NRXN3: variants seen among roughly 807,000 people sequenced by gnomAD.
NRXN3 encodes neurexin III.
NRXN3 carries 32 observed loss-of-function variants against 137.6 expected under a neutral mutation model. The observed-to-expected ratio is 0.23, with a 90% CI of 0.18 to 0.31. The LOEUF is 0.31. Ranked by LOEUF, NRXN3 falls within the 10% of genes least tolerant of loss-of-function variation. The pLI is 1.00. For missense variants in NRXN3, 1,574 were observed against 2,062.5 expected, an observed-to-expected ratio of 0.76 and a Z score of 4.59; for synonymous variants, 798 against 784.5, an observed-to-expected ratio of 1.02 and a Z score of -0.29.
intron 16 of NRXN3, among the ~76,000 whole-genome samples, chr14:79,620,049 C>T (rs2153897072): frequency 6.6e-6 from 1 of 152,164 alleles, no homozygotes; most frequent in East Asian, 1.9e-4. Flanking sequence ...CTGGAGTTGG[C>T]TCCAGAAGTC....
At chr14:79,201,708 G>A (rs2066035133) in intron 15 of NRXN3, 1 of 152,194 alleles carries the variant, frequency 6.6e-6, no homozygotes, top group African/African-American at 2.4e-5. Flanking sequence ...GGGAAGTTAA[G>A]TAAGCACAAA....
chr14:78,402,348 A>G (rs2092144847), intron 4 of NRXN3, among the ~76,000 whole-genome samples: 1 of 152,228 alleles, frequency 6.6e-6, no homozygotes, highest in African/African-American at 2.4e-5. Flanking sequence ...GAAAACAAAG[A>G]TTTACTAAGT....
intron 4 of NRXN3, among the ~76,000 whole-genome samples, chr14:78,521,575 A>G (rs139671546): frequency 2.5e-4 from 38 of 152,112 alleles, no homozygotes; most frequent in African/African-American, 8.7e-4. Flanking sequence ...TATTTTATAG[A>G]CTCTTGTATT....
intron 1 of NRXN3, among the ~76,000 whole-genome samples, chr14:78,217,772 CT>C (rs1431041916): frequency 1.3e-5 from 2 of 152,218 alleles, no homozygotes; most frequent in African/African-American, 4.8e-5. Context: ...AGCGATTCTT[CT>C]GCCTCAGCCT....
At chr14:79,233,558 A>C (rs1056548330) in intron 15 of NRXN3, among the ~76,000 whole-genome samples, 4 of 152,144 alleles carry the variant, frequency 2.6e-5, no homozygotes, top group African/African-American at 9.6e-5. Context: ...GTTAATTCAG[A>C]TGCCATTTAG....
intron 6 of NRXN3, among the ~76,000 whole-genome samples, chr14:78,669,000 A>G (rs998483718): frequency 6.6e-6 from 1 of 152,076 alleles, no homozygotes; most frequent in African/African-American, 2.4e-5. Flanking sequence ...CTGTCTACCT[A>G]GATAGATAGA....
At chr14:78,255,563 A>C (rs566660795) in intron 2 of NRXN3, among the ~76,000 whole-genome samples, 3 of 152,112 alleles carry the variant, frequency 2.0e-5, no homozygotes, top group Non-Finnish European at 2.9e-5. Flanking sequence ...TGGCTTTTCT[A>C]TCCTTAATGC....
intron 8 of NRXN3, among the ~76,000 whole-genome samples, chr14:78,725,924 T>G (rs2098481111): frequency 6.6e-6 from 1 of 152,228 alleles, no homozygotes; most frequent in Non-Finnish European, 1.5e-5. Flanking sequence ...GCTATTTTCA[T>G]TCTTAATTTA....
At chr14:78,637,967 G>A (rs1054124326) in intron 4 of NRXN3, among the ~76,000 whole-genome samples, 2 of 152,194 alleles carry the variant, frequency 1.3e-5, no homozygotes, top group Non-Finnish European at 2.9e-5. Context: ...TTGTAATGCA[G>A]TTGACAGCAA....
chr14:78,872,404 A>G (rs1203816297), intron 10 of NRXN3, among the ~76,000 whole-genome samples: 1 of 151,038 alleles, frequency 6.6e-6, no homozygotes, highest in Non-Finnish European at 1.5e-5. Context: ...CTTTTATCAT[A>G]TTAATGATGA....
At chr14:78,949,522 G>T (rs1340424380) in intron 10 of NRXN3, among the ~76,000 whole-genome samples, 1 of 151,744 alleles carries the variant, frequency 6.6e-6, no homozygotes, top group Non-Finnish European at 1.5e-5. Context: ...CCCTCTTGGT[G>T]CAATGTGCCA....
At chr14:78,840,401 A>G (rs1339623873) in intron 10 of NRXN3, among the ~76,000 whole-genome samples, 3 of 152,218 alleles carry the variant, frequency 2.0e-5, no homozygotes, top group African/African-American at 4.8e-5. Context: ...GGATCAATAT[A>G]TAAAAACTGA....
chr14:78,247,352 A>G (rs2067848863), intron 2 of NRXN3, among the ~76,000 whole-genome samples: 1 of 152,200 alleles, frequency 6.6e-6, no homozygotes, highest in South Asian at 2.1e-4. Context: ...GTATGAGGTA[A>G]TAGACACAGT....
intron 16 of NRXN3, among the ~76,000 whole-genome samples, chr14:79,523,152 C>G (rs2097084600): frequency 6.6e-6 from 1 of 152,180 alleles, no homozygotes; most frequent in Non-Finnish European, 1.5e-5. Context: ...ATTGGTTAAA[C>G]TTTGAAATTA....
chr14:78,614,097 T>G (rs1183918020), intron 4 of NRXN3, among the ~76,000 whole-genome samples: 1 of 152,178 alleles, frequency 6.6e-6, no homozygotes, highest in Non-Finnish European at 1.5e-5. Context: ...TTGTTACTAA[T>G]CCATAAGGAT....
intron 4 of NRXN3, among the ~76,000 whole-genome samples, chr14:78,308,473 T>C (rs1489538906): frequency 2.0e-5 from 3 of 152,146 alleles, no homozygotes; most frequent in East Asian, 1.9e-4. Context: ...CTTTTCTCTG[T>C]ACTTTGACCT....
chr14:79,434,886 C>G (rs994030784), intron 15 of NRXN3, among the ~76,000 whole-genome samples: 2 of 152,162 alleles, frequency 1.3e-5, no homozygotes, highest in African/African-American at 2.4e-5. Flanking sequence ...TTGTACCTCC[C>G]GTGCCCATCC....
At chr14:79,799,835 G>C (rs549888706) in intron 19 of NRXN3, among the ~76,000 whole-genome samples, 1 of 152,218 alleles carries the variant, frequency 6.6e-6, no homozygotes, top group East Asian at 1.9e-4. Context: ...AAGTTTGCCT[G>C]TTTACTTGCC....
At position 79,301,820 on chromosome 14, in the gene NRXN3, A is replaced by G. The variant is rs141535702; in HGVS notation, c.3263-165401A>G. 2.1e-4 allele frequency among the ~76,000 whole-genome samples: 32 copies of G among 151,962 alleles called. 1 individual carries two copies. In the East Asian group the frequency reaches 6.2e-3, roughly 29 times the overall value. On this transcript the variant is annotated intron_variant, in intron 15 of 20. Coordinates refer to ENST00000335750, the MANE Select transcript of NRXN3 (RefSeq NM_001330195.2). ...TGGAATTAGCTACTAATATATGTGT[A>G]TGTTTAAGGGATGCATTTGTGGACT...
Sources: gnomAD v4.1 joint callset for allele counts (sites outside exome capture counted in the v4.1 genomes callset) on GRCh38, gnomAD v4.1.1 for gene constraint, MANE v1.5 for transcripts, NCBI Gene and HGNC (gene_info 2026-07-23, HGNC 2026-07-21) for gene names.